SLC36A1: variants seen among roughly 807,000 people sequenced by gnomAD.
SLC36A1 encodes the protein proton-coupled amino acid transporter 1.
Under a neutral mutation model 47.5 loss-of-function variants are expected in SLC36A1, and 30 were observed. That is an observed-to-expected ratio of 0.63 (90% CI 0.47 to 0.86). SLC36A1 has a LOEUF of 0.86. Ranked by LOEUF, SLC36A1 falls within the 40% of genes least tolerant of loss-of-function variation. The pLI, the probability that SLC36A1 is intolerant of heterozygous loss-of-function variation, is 0.00. For missense variants in SLC36A1, 517 were observed against 606.0 expected (o/e 0.85, Z 1.54); for synonymous variants, 255 against 249.7 (o/e 1.02, Z -0.20).
the SLC36A1 span, among the ~76,000 whole-genome samples, chr5:151,550,378 G>A: frequency 6.6e-6 from 1 of 152,318 alleles, no homozygotes; most frequent in South Asian, 2.1e-4. Flanking sequence ...AGCTGAGGTT[G>A]ACAGGAGTTT....
downstream of SLC36A1, among the ~76,000 whole-genome samples, chr5:151,496,468 T>TA (rs1306739031): frequency 6.6e-6 from 1 of 152,252 alleles, no homozygotes; most frequent in African/African-American, 2.4e-5. Context: ...CCAGAGTGAC[T>TA]ACCATTTTGC....
the SLC36A1 span, chr5:151,549,572 G>C: frequency 1.4e-6 from 2 of 1,395,486 alleles, no homozygotes; most frequent in Non-Finnish European, 2.0e-6. Context: ...GTTAGGGTAA[G>C]GTTAATGAAC....
chr5:151,411,222 C>T, the SLC36A1 span, among the ~76,000 whole-genome samples: 1 of 144,926 alleles, frequency 6.9e-6, no homozygotes, highest in South Asian at 2.5e-4. Context: ...ATTTCTGCCT[C>T]ATAAATGAGC....
rs1756672981 is a variant in SLC36A1, at chr5:151,467,856, C to T, written c.654C>T (p.Ser218=). The T allele has an allele frequency of 1.2e-6, 2 of 1,613,898 alleles. No individual in the cohort carries two copies. The highest frequency in any genetic ancestry group is 8.5e-7 in the Non-Finnish European group (1 of 1,179,990). Residue 218 remains serine, a synonymous_variant, in exon 7 of 11, where the codon TCC becomes TCT. Coordinates refer to ENST00000243389, the MANE Select transcript of SLC36A1 (RefSeq NM_078483.4). ...TCATCAGGAACCTCCGAGCCCTGTC[C>T]ATCTTCTCCCTGTTGGCCAACATCA... The part of the protein sequence containing the change: ...LVFIRNLRAL[S]IFSLLANITM...
At chr5:151,439,296 A>G (rs1752484920) in intron 1 of SLC36A1, among the ~76,000 whole-genome samples, 1 of 152,200 alleles carries the variant, frequency 6.6e-6, no homozygotes, top group Non-Finnish European at 1.5e-5. Context: ...GGGTGGGGAC[A>G]CAAAGCCAAA....
chr5:151,458,720 G>C, intron 1 of SLC36A1, 68 bp from the exon 2 acceptor site: 1 of 1,548,480 alleles, frequency 6.5e-7, no homozygotes, highest in Non-Finnish European at 8.8e-7. Flanking sequence ...CTACCCCAGA[G>C]GCCACCCCAA....
At chr5:151,479,854 G>T (rs767814744) in intron 10 of SLC36A1, 11 of 523,672 alleles carry the variant, frequency 2.1e-5, no homozygotes, top group Non-Finnish European at 2.6e-5. Flanking sequence ...TCTGATGAAG[G>T]GTACTTATTT....
At chr5:151,502,921 A>G in the SLC36A1 span, among the ~76,000 whole-genome samples, 1 of 148,284 alleles carries the variant, frequency 6.7e-6, no homozygotes, top group African/African-American at 2.7e-5. Context: ...CAAAGAAATG[A>G]TCAAGCCCTG....
Position 151,491,848 on chromosome 5 carries a change from G to A in SLC36A1, c.*3594G>A, listed in dbSNP as rs1760147625. ...CATTACAAATCTCTGAGGCCATTAGGGGAAAAGGAAGGGGTGTGGTTTGTC... is the reference window on the plus strand; with the variant it reads ...CATTACAAATCTCTGAGGCCATTAGAGGAAAAGGAAGGGGTGTGGTTTGTC... On this transcript the variant is annotated 3_prime_UTR_variant, in exon 11 of 11. Transcript: ENST00000243389. The A allele has an allele frequency of 6.6e-6, 1 of 152,260 alleles. No individual in the cohort carries two copies. Among genetic ancestry groups the A allele is most frequent in the Non-Finnish European group, 1.5e-5 (1 of 68,056 alleles). 9.4% of individuals were successfully genotyped at this position (152,260 alleles called of 1,614,324 possible). A position where few individuals can be genotyped will look rare whatever the true frequency, so the allele number is the denominator to read the frequency against.
At chr5:151,507,579 CCTT>C in the SLC36A1 span, 52 of 1,612,552 alleles carry the variant, frequency 3.2e-5, no homozygotes, top group Non-Finnish European at 4.2e-5. Flanking sequence ...TAGGCAGTGT[CCTT>C]CTGAACAACC....
chr5:151,545,654 C>T, the SLC36A1 span: 2 of 1,614,046 alleles, frequency 1.2e-6, no homozygotes, highest in African/African-American at 2.7e-5. Flanking sequence ...ATCTCTGATA[C>T]AATGGTTAGG....
chr5:151,438,336 A>G (rs894249887), intron 1 of SLC36A1, among the ~76,000 whole-genome samples: 2 of 152,092 alleles, frequency 1.3e-5, no homozygotes, highest in African/African-American at 2.4e-5. Context: ...TTCACATAAC[A>G]TGAAGGAAAT....
the SLC36A1 span, among the ~76,000 whole-genome samples, chr5:151,395,257 G>A: frequency 6.6e-6 from 1 of 152,226 alleles, no homozygotes; most frequent in Non-Finnish European, 1.5e-5. Context: ...CATTGGAAAA[G>A]TGCAGTATTA....
chr5:151,468,266 A>AAAATATATATAT (rs55642458), intron 7 of SLC36A1, among the ~76,000 whole-genome samples: 4 of 63,830 alleles, frequency 6.3e-5, no homozygotes, highest in African/African-American at 2.6e-4. Flanking sequence ...AAAAAAAAAA[A>AAAATATATATAT]ATATATATAT....
chr5:151,348,837 G>A, the SLC36A1 span, among the ~76,000 whole-genome samples: 4 of 152,244 alleles, frequency 2.6e-5, 1 homozygote, highest in South Asian at 6.2e-4. Flanking sequence ...GTTTTTTTTG[G>A]TTGTTGTTGT....
the SLC36A1 span, chr5:151,532,024 G>A: frequency 1.3e-6 from 2 of 1,587,482 alleles, no homozygotes; most frequent in East Asian, 2.2e-5. Flanking sequence ...CTCTGGACCT[G>A]CCTGCAGCAA....
In SLC36A1 at chr5:151,479,315, G is replaced by A. The variant is rs777756486; in HGVS notation, c.990-5G>A. ...GCTTGGAATGTCTCCTGTCTGTTTC[G>A]GCAGGTTGTACCAGTCAGTTAAGCT... On this transcript the variant is annotated splice_region_variant and splice_polypyrimidine_tract_variant and intron_variant, in intron 9 of 10. Transcript: ENST00000243389. 39 of 1,612,832 alleles carry A rather than the reference G, an allele frequency of 2.4e-5. 1 individual carries two copies. The East Asian group carries it at 4.7e-4, about 19-fold the overall frequency.
the SLC36A1 span, among the ~76,000 whole-genome samples, chr5:151,371,761 C>T: frequency 5.9e-5 from 9 of 152,050 alleles, no homozygotes; most frequent in African/African-American, 1.9e-4. Flanking sequence ...TTTCCTTTTT[C>T]GTTTTGGAAG....
At chr5:151,480,007 TTTGA>T (rs1208849263) in intron 10 of SLC36A1, 8 of 934,116 alleles carry the variant, frequency 8.6e-6, no homozygotes, top group African/African-American at 5.1e-5. Context: ...AACCTAGGTA[TTTGA>T]TTGATCACTT....
Sources: gnomAD v4.1 joint callset for allele counts (sites outside exome capture counted in the v4.1 genomes callset) on GRCh38, gnomAD v4.1.1 for gene constraint, MANE v1.5 for transcripts, NCBI Gene and HGNC (gene_info 2026-07-23, HGNC 2026-07-21) for gene names.